Variants in FSTL5 observed in about 807,000 individuals in gnomAD.
The protein encoded by FSTL5 is follistatin like 5, also known as follistatin-related protein 5.
In FSTL5, 62 loss-of-function variants were observed where a neutral mutation model predicts 89.1. That is an observed-to-expected ratio of 0.70 (90% CI 0.57 to 0.86). FSTL5 has a LOEUF of 0.86. FSTL5 is among the 40% of genes least tolerant of loss of function. The pLI, the probability that FSTL5 is intolerant of heterozygous loss-of-function variation, is 0.00. For missense variants in FSTL5, 1,057 were observed against 1,001.6 expected, an observed-to-expected ratio of 1.06 and a Z score of -0.75; for synonymous variants, 383 against 346.2, an observed-to-expected ratio of 1.11 and a Z score of -1.18.
chr4:161,740,413 A>G (rs964857689), intron 6 of FSTL5, among the ~76,000 whole-genome samples: 1 of 152,042 alleles, frequency 6.6e-6, no homozygotes, highest in Non-Finnish European at 1.5e-5. Context: ...ATCTAATTTG[A>G]GTAGTGTATT....
intron 3 of FSTL5, among the ~76,000 whole-genome samples, chr4:161,971,625 A>C (rs1338054332): frequency 1.3e-5 from 2 of 152,160 alleles, no homozygotes; most frequent in Non-Finnish European, 2.9e-5. Flanking sequence ...TAAATATGTA[A>C]TATGGGTTAA....
chr4:161,787,952 T>C (rs1282303221), intron 4 of FSTL5, among the ~76,000 whole-genome samples: 1 of 152,188 alleles, frequency 6.6e-6, no homozygotes, highest in Non-Finnish European at 1.5e-5. Context: ...TATGAATATA[T>C]TTAAGAAAAA....
chr4:162,099,875 G>A (rs1602666), intron 2 of FSTL5, among the ~76,000 whole-genome samples: 38,074 of 152,044 alleles, frequency 0.25, 4,901 homozygotes, highest in Non-Finnish European at 0.3. Context: ...AAACTACAGC[G>A]TCCACTATTT....
chr4:161,432,556 C>G (rs1732413358), intron 15 of FSTL5, among the ~76,000 whole-genome samples: 1 of 151,632 alleles, frequency 6.6e-6, no homozygotes, highest in Admixed American at 6.6e-5. Context: ...CAGGAACAAA[C>G]TTAATCCAAA....
Position 161,820,706 on chromosome 4 carries a change from T to C in FSTL5, c.410-44632A>G, listed in dbSNP as rs112745034. Reference sequence around the variant, plus strand: ...CTTGGCACAGATGAGCAGGGGAGACTTTAAAGTCATGTATTGAGAACAAAG... The same window carrying C: ...CTTGGCACAGATGAGCAGGGGAGACCTTAAAGTCATGTATTGAGAACAAAG... On this transcript the variant is annotated intron_variant, in intron 4 of 15. Coordinates refer to ENST00000306100, the MANE Select transcript of FSTL5 (RefSeq NM_020116.5). Among the ~76,000 whole-genome samples the C allele has an allele frequency of 7.3e-3, 1,109 of 152,202 alleles. 14 individuals carry two copies. Among genetic ancestry groups the C allele is most frequent in the African/African-American group, 0.024 (999 of 41,522 alleles).
intron 3 of FSTL5, among the ~76,000 whole-genome samples, chr4:162,029,540 G>C (rs1043640412): frequency 8.6e-5 from 13 of 152,016 alleles, no homozygotes; most frequent in African/African-American, 3.1e-4. Context: ...CAAAAAAGAT[G>C]AATCATATCA....
In FSTL5 at chr4:161,514,836, G is replaced by A. The variant is rs981892287; in HGVS notation, c.1313-4412C>T. 2.6e-5 allele frequency among the ~76,000 whole-genome samples: 4 copies of A among 151,970 alleles called. No individual in the cohort carries two copies. The East Asian group carries it at 7.7e-4, about 29-fold the overall frequency. On this transcript the variant is annotated intron_variant, in intron 10 of 15. Coordinates refer to ENST00000306100, the MANE Select transcript of FSTL5 (RefSeq NM_020116.5). The stretch of plus-strand genomic sequence containing the variant: ...GTTCATAAGATCAATTATTTAGCAA[G>A]CTACAAGATAAATATCCAATTTCTA...
rs567212287 is a variant in FSTL5 at position 161,414,891 on chromosome 4, T to C, written c.1842-28442A>G. Among the ~76,000 whole-genome samples the C allele has an allele frequency of 5.3e-5, 8 of 152,318 alleles. No individual in the cohort carries two copies. In the South Asian group the frequency reaches 1.7e-3, roughly 32 times the overall value. ...GAGTCCTGGTCTCCTATGTCTTAGT[T>C]TGTGACATATTGAATAAGTGACTTT... On this transcript the variant is annotated intron_variant, in intron 15 of 15. Coordinates refer to ENST00000306100, the MANE Select transcript of FSTL5 (RefSeq NM_020116.5).
intron 12 of FSTL5, among the ~76,000 whole-genome samples, chr4:161,483,242 G>A (rs1345310611): frequency 6.6e-6 from 1 of 152,152 alleles, no homozygotes; most frequent in Non-Finnish European, 1.5e-5. Flanking sequence ...ACAAACACTC[G>A]ATAAAATATG....
chr4:161,609,031 AT>A (rs905493984), intron 7 of FSTL5, among the ~76,000 whole-genome samples: 3 of 151,846 alleles, frequency 2.0e-5, no homozygotes, highest in Non-Finnish European at 4.4e-5. Context: ...ATTTTATTCT[AT>A]TTTTAATATA....
chr4:162,018,718 A>T (rs1359344781), intron 3 of FSTL5, among the ~76,000 whole-genome samples: 3 of 152,096 alleles, frequency 2.0e-5, no homozygotes, highest in Admixed American at 2.0e-4. Flanking sequence ...AAACTTGAGA[A>T]AACACTGTGC....
intron 4 of FSTL5, among the ~76,000 whole-genome samples, chr4:161,844,227 A>G (rs927219511): frequency 6.6e-6 from 1 of 152,218 alleles, no homozygotes; most frequent in Non-Finnish European, 1.5e-5. Flanking sequence ...AATGCAAATC[A>G]AAATGTCATA....
chr4:161,725,695 C>A (rs1365336836), intron 6 of FSTL5, among the ~76,000 whole-genome samples: 1 of 152,064 alleles, frequency 6.6e-6, no homozygotes, highest in East Asian at 1.9e-4. Flanking sequence ...TCCTAGGCAT[C>A]ATCTGGATAT....
chr4:161,709,506 G>A, intron 6 of FSTL5, among the ~76,000 whole-genome samples: 1 of 152,086 alleles, frequency 6.6e-6, no homozygotes, highest in East Asian at 1.9e-4. Flanking sequence ...TCTTGAATAA[G>A]AAGTTTAAAC....
chr4:162,078,588 A>G (rs183792714), intron 2 of FSTL5, among the ~76,000 whole-genome samples: 55 of 151,930 alleles, frequency 3.6e-4, no homozygotes, highest in Middle Eastern at 3.4e-3. Flanking sequence ...ACATTAATAA[A>G]CTATTCTCAA....
At chr4:161,856,662 G>GTGTATATATATATATA (rs1553971994) in intron 4 of FSTL5, among the ~76,000 whole-genome samples, 1 of 147,820 alleles carries the variant, frequency 6.8e-6, no homozygotes, top group East Asian at 2.0e-4. Flanking sequence ...GTGTGTGTGT[G>GTGTATATATATATATA]TATATATATA....
At chr4:161,544,950 A>T (rs1313042806) in intron 8 of FSTL5, among the ~76,000 whole-genome samples, 1 of 152,014 alleles carries the variant, frequency 6.6e-6, no homozygotes, top group Admixed American at 6.6e-5. Context: ...TTTTTCAATT[A>T]TATAATCATT....
intron 6 of FSTL5, among the ~76,000 whole-genome samples, chr4:161,684,605 T>C (rs13129131): frequency 0.54 from 81,657 of 151,988 alleles, 25,567 homozygotes; most frequent in East Asian, 0.71. Flanking sequence ...AGCCCACTTT[T>C]TGATGTGATT....
At chr4:161,459,398 T>G in intron 13 of FSTL5, 79 bp from the exon 14 acceptor site, 1 of 767,766 alleles carries the variant, frequency 1.3e-6, no homozygotes, top group Non-Finnish European at 2.2e-6. Context: ...ATGAAGATTC[T>G]AATTTAGATG....
Sources: allele counts gnomAD v4.1 joint callset (sites outside exome capture counted in the v4.1 genomes callset), GRCh38; gene constraint gnomAD v4.1.1; transcripts MANE v1.5; gene names NCBI Gene and HGNC (gene_info 2026-07-23, HGNC 2026-07-21).